The following OTUD7A variants were observed in gnomAD, a reference collection of about 807,000 sequenced individuals.
The protein encoded by OTUD7A is OTU domain-containing protein 7A.
Under a neutral mutation model 65.7 loss-of-function variants are expected in OTUD7A, and 12 were observed. That is an observed-to-expected ratio of 0.18 (90% CI 0.12 to 0.30). The LOEUF (loss-of-function observed/expected upper bound fraction) is 0.30, where lower values mean the gene tolerates loss of function less well. Among genes scored for constraint, OTUD7A ranks in the 10% least tolerant of loss-of-function variants. The pLI is 1.00. For synonymous variants in OTUD7A, 641 were observed against 586.3 expected (o/e 1.09, Z -1.35); for missense variants, 1,148 against 1,304.8 (o/e 0.88, Z 1.85).
intron 5 of OTUD7A, among the ~76,000 whole-genome samples, chr15:31,537,392 C>T (rs1595593314): frequency 1.3e-5 from 2 of 152,266 alleles, no homozygotes; most frequent in South Asian, 2.1e-4. Flanking sequence ...AGTAGACGAA[C>T]ATCTATTTAT....
chr15:31,755,554 T>C (rs1894788684), intron 1 of OTUD7A, among the ~76,000 whole-genome samples: 2 of 152,076 alleles, frequency 1.3e-5, no homozygotes, highest in African/African-American at 4.8e-5. Context: ...ACCCCGTCTC[T>C]ACTAAAAATA....
At chr15:31,695,142 C>A (rs1893048007) in intron 1 of OTUD7A, among the ~76,000 whole-genome samples, 1 of 152,050 alleles carries the variant, frequency 6.6e-6, no homozygotes, top group East Asian at 1.9e-4. Context: ...ACCGCCCCGG[C>A]CATGTTTTAC....
chr15:31,838,997 A>G (rs537511401), intron 1 of OTUD7A, among the ~76,000 whole-genome samples: 2 of 152,352 alleles, frequency 1.3e-5, no homozygotes, highest in African/African-American at 4.8e-5. Flanking sequence ...CCAGACAGAT[A>G]GCTGGGTTGG....
rs2042074638 is a variant in OTUD7A at position 31,530,746 on chromosome 15, T to C, written c.613A>G (p.Thr205Ala). The change falls in exon 6 of 13, where the codon ACA becomes GCA. Residue 205 changes from threonine to alanine, a missense_variant. Around this residue, in one of 6 missense-constraint regions of OTUD7A, gnomAD observed 134 missense variants for 252.6 expected, o/e 0.53. Coordinates refer to ENST00000307050, the MANE Select transcript of OTUD7A (RefSeq NM_001382637.1). Reference protein sequence around the residue: ...SCKRLLPLATTGDGNCLLHAA... With the variant: ...SCKRLLPLATAGDGNCLLHAA... Reference sequence around the variant, plus strand: ...TGTAAAAGGCAGTTCCCATCCCCTGTTGTGGCCAGAGGAAGAAGCCGTTTA... The same window carrying C: ...TGTAAAAGGCAGTTCCCATCCCCTGCTGTGGCCAGAGGAAGAAGCCGTTTA... 6 of 1,614,082 alleles carry C rather than the reference T, an allele frequency of 3.7e-6. No homozygotes were observed. The highest frequency in any genetic ancestry group is 1.7e-5 in the Admixed American group (1 of 60,006).
chr15:31,698,437 AG>A (rs1893133907), intron 1 of OTUD7A, among the ~76,000 whole-genome samples: 1 of 152,182 alleles, frequency 6.6e-6, no homozygotes, highest in Non-Finnish European at 1.5e-5. Context: ...TGGTTCTCAA[AG>A]TGAGGCCCCT....
In OTUD7A at chr15:31,580,472, G is replaced by C. The variant is rs74973883; in HGVS notation, c.152-10275C>G. Among the ~76,000 whole-genome samples, 3 of 152,288 alleles carry C rather than the reference G, an allele frequency of 2.0e-5. No homozygotes were observed. The East Asian group carries it at 5.8e-4, about 29-fold the overall frequency. ...TAGCAGAGACTGCATTTGCATTTGC[G>C]CAATACTGGTGCAAAATGAATGCTA... On this transcript the variant is annotated intron_variant, in intron 3 of 12. Coordinates refer to ENST00000307050, the MANE Select transcript of OTUD7A (RefSeq NM_001382637.1).
chr15:31,545,451 TG>T (rs1279139262), intron 5 of OTUD7A, among the ~76,000 whole-genome samples: 5 of 152,010 alleles, frequency 3.3e-5, no homozygotes, highest in Admixed American at 1.3e-4. Flanking sequence ...TTCATCAAAG[TG>T]TATCAGTCAG....
chr15:31,623,105 G>A (rs1416284640), intron 3 of OTUD7A, among the ~76,000 whole-genome samples: 1 of 152,214 alleles, frequency 6.6e-6, no homozygotes, highest in Non-Finnish European at 1.5e-5. Context: ...GAATGTTGCT[G>A]CCTGATCTTT....
intron 3 of OTUD7A, among the ~76,000 whole-genome samples, chr15:31,601,952 G>A (rs1443194328): frequency 1.3e-5 from 2 of 152,152 alleles, no homozygotes; most frequent in East Asian, 3.8e-4. Flanking sequence ...TGAAATTGAG[G>A]CAGTAATTAA....
rs138037556 is a variant in OTUD7A, at chr15:31,526,417, C to A, written c.825G>T (p.Thr275=). 1.2e-6 allele frequency: 2 copies of A among 1,602,326 alleles called. No individual in the cohort carries two copies. Among genetic ancestry groups the A allele is most frequent in the Non-Finnish European group, 1.7e-6 (2 of 1,179,142 alleles). ...YTEEEWEREW[T]ELLKLASSEP... is the part of the protein sequence containing the mutation. ...CGCTGGAGGCCAGCTTCAGCAGCTC[C>A]GTCCACTCCCGCTCCCACTCCTCCT... is the stretch of plus-strand genomic sequence containing the variant. The change falls in exon 8 of 13, where the codon ACG becomes ACT. Residue 275 remains threonine, a synonymous_variant. Coordinates refer to ENST00000307050, the MANE Select transcript of OTUD7A (RefSeq NM_001382637.1).
At chr15:31,816,089 C>T (rs765768093) in intron 1 of OTUD7A, among the ~76,000 whole-genome samples, 10 of 152,216 alleles carry the variant, frequency 6.6e-5, no homozygotes, top group Non-Finnish European at 1.3e-4. Context: ...GAAGCATTGC[C>T]TGCTCTGGGC....
At chr15:31,825,364 G>A (rs1025747001) in intron 1 of OTUD7A, among the ~76,000 whole-genome samples, 1 of 152,152 alleles carries the variant, frequency 6.6e-6, no homozygotes, top group African/African-American at 2.4e-5. Context: ...AAGCAGGCAA[G>A]GAAAGAATAA....
chr15:31,507,049 T>C (rs547385837), intron 8 of OTUD7A, among the ~76,000 whole-genome samples: 50 of 152,362 alleles, frequency 3.3e-4, no homozygotes, highest in Middle Eastern at 6.8e-3. Flanking sequence ...TGTATTGTTT[T>C]GATGGCTAAG....
At chr15:31,603,795 A>T (rs2141213802) in intron 3 of OTUD7A, among the ~76,000 whole-genome samples, 1 of 152,344 alleles carries the variant, frequency 6.6e-6, no homozygotes, top group South Asian at 2.1e-4. Context: ...ATATGAACAG[A>T]CACTTCTCAA....
chr15:31,776,067 G>C (rs1895370757), intron 1 of OTUD7A, among the ~76,000 whole-genome samples: 1 of 152,222 alleles, frequency 6.6e-6, no homozygotes, highest in Non-Finnish European at 1.5e-5. Flanking sequence ...GCAGCCACCT[G>C]CACCTGTCCA....
intron 1 of OTUD7A, among the ~76,000 whole-genome samples, chr15:31,828,533 A>C (rs1896854083): frequency 6.6e-6 from 1 of 152,204 alleles, no homozygotes; most frequent in Non-Finnish European, 1.5e-5. Context: ...GTAATTATAC[A>C]AACTCTTTCT....
intron 1 of OTUD7A, among the ~76,000 whole-genome samples, chr15:31,757,098 A>C (rs1894837414): frequency 6.6e-6 from 1 of 152,058 alleles, no homozygotes; most frequent in Non-Finnish European, 1.5e-5. Context: ...AGATGAACCC[A>C]ACTTCACTGT....
chr15:31,625,172 T>C (rs896323328), intron 3 of OTUD7A, among the ~76,000 whole-genome samples: 8 of 152,138 alleles, frequency 5.3e-5, no homozygotes, highest in African/African-American at 1.2e-4. Context: ...CAGTGAAGAA[T>C]TGAGGCCACC....
intron 3 of OTUD7A, among the ~76,000 whole-genome samples, chr15:31,638,604 C>T (rs1363126389): frequency 3.3e-5 from 5 of 151,648 alleles, no homozygotes; most frequent in Admixed American, 6.6e-5. Flanking sequence ...ACCATGCTGC[C>T]CAAGCTGGTC....
Sources: allele counts gnomAD v4.1 joint callset (sites outside exome capture counted in the v4.1 genomes callset), GRCh38; gene constraint gnomAD v4.1.1; regional missense constraint gnomAD v4.1.1; transcripts MANE v1.5; gene names NCBI Gene and HGNC (gene_info 2026-07-23, HGNC 2026-07-21).